The following PGM5 variants were observed in gnomAD, a reference collection of about 807,000 sequenced individuals.
PGM5 encodes the protein phosphoglucomutase-like protein 5.
PGM5 carries 23 observed loss-of-function variants against 59.2 expected under a neutral mutation model. That is an observed-to-expected ratio of 0.39 (90% CI 0.28 to 0.55). PGM5 has a LOEUF of 0.55. PGM5 is among the 20% of genes least tolerant of loss of function. PGM5 has a pLI of 0.66. For missense variants in PGM5, 574 were observed against 748.3 expected, an observed-to-expected ratio of 0.77 and a Z score of 2.72; for synonymous variants, 214 against 286.0, an observed-to-expected ratio of 0.75 and a Z score of 2.54.
chr9:68,433,045 C>T (rs574869527), intron 6 of PGM5, among the ~76,000 whole-genome samples: 7 of 152,066 alleles, frequency 4.6e-5, no homozygotes, highest in South Asian at 4.2e-4. Flanking sequence ...CAGTGAATAC[C>T]CTGCTATGTA....
chr9:68,384,634 T>C (rs1822168806), intron 3 of PGM5, 90 bp downstream of exon 3: 1 of 803,082 alleles, frequency 1.2e-6, no homozygotes, highest in East Asian at 2.5e-5. Context: ...TGAAAATTAT[T>C]GCATTGTTAA....
At chr9:68,414,892 G>A (rs1822997164) in intron 6 of PGM5, among the ~76,000 whole-genome samples, 1 of 145,550 alleles carries the variant, frequency 6.9e-6, no homozygotes, top group Non-Finnish European at 1.5e-5. Flanking sequence ...ACGGCCATCA[G>A]TAGAAGGGTG....
intron 9 of PGM5, among the ~76,000 whole-genome samples, chr9:68,490,319 C>CA (rs1340336204): frequency 2.0e-5 from 3 of 152,110 alleles, no homozygotes; most frequent in Non-Finnish European, 4.4e-5. Flanking sequence ...ATTTCAGCTT[C>CA]AACTTTTTGT....
At chr9:68,406,764 G>A (rs1302056817) in intron 6 of PGM5, among the ~76,000 whole-genome samples, 7 of 135,668 alleles carry the variant, frequency 5.2e-5, no homozygotes, top group South Asian at 2.4e-4. Context: ...CACAGTATGC[G>A]TTCAATGAAG....
intron 6 of PGM5, among the ~76,000 whole-genome samples, chr9:68,425,194 ATCAAAAGT>A (rs782233655): frequency 4.6e-5 from 7 of 152,226 alleles, no homozygotes; most frequent in Non-Finnish European, 8.8e-5. Flanking sequence ...AGCCAGAGTT[ATCAAAAGT>A]TCTACAGGAG....
At chr9:68,455,029 A>C (rs1823751644) in intron 6 of PGM5, among the ~76,000 whole-genome samples, 1 of 152,236 alleles carries the variant, frequency 6.6e-6, no homozygotes, top group African/African-American at 2.4e-5. Context: ...AGTCTTGAAG[A>C]TGGTTCCTTT....
At chr9:68,390,486 A>G (rs2260648) in intron 4 of PGM5, among the ~76,000 whole-genome samples, 162 of 152,228 alleles carry the variant, frequency 1.1e-3, no homozygotes, top group African/African-American at 3.8e-3. Context: ...GATGGGGAAG[A>G]GAGTTTTTCT....
At chr9:68,421,649 G>A (rs1823131628) in intron 6 of PGM5, among the ~76,000 whole-genome samples, 1 of 152,088 alleles carries the variant, frequency 6.6e-6, no homozygotes, top group African/African-American at 2.4e-5. Flanking sequence ...CCCGGGAGGC[G>A]GAGGTTGCAG....
chr9:68,483,764 G>T, intron 8 of PGM5, 101 bp from the exon 9 acceptor site: 1 of 1,051,382 alleles, frequency 9.5e-7, no homozygotes. Flanking sequence ...TTTCTGTGCT[G>T]TCCTTCCCTG....
intron 6 of PGM5, among the ~76,000 whole-genome samples, chr9:68,431,721 G>A (rs1185133024): frequency 1.3e-5 from 2 of 152,188 alleles, no homozygotes; most frequent in Non-Finnish European, 2.9e-5. Context: ...ATCTTATAAG[G>A]ATGGGGGATT....
At chr9:68,434,807 T>A (rs1823420374) in intron 6 of PGM5, among the ~76,000 whole-genome samples, 1 of 151,892 alleles carries the variant, frequency 6.6e-6, no homozygotes, top group Non-Finnish European at 1.5e-5. Flanking sequence ...AAAATGGTGA[T>A]CTCTCTGTGA....
chr9:68,485,121 T>C (rs1312105979), intron 9 of PGM5, among the ~76,000 whole-genome samples: 4 of 152,214 alleles, frequency 2.6e-5, no homozygotes, highest in African/African-American at 7.2e-5. Flanking sequence ...TTTGTTTTGC[T>C]GTTAATGCAG....
At chr9:68,515,292 C>T (rs1204143657) in intron 10 of PGM5, among the ~76,000 whole-genome samples, 1 of 152,182 alleles carries the variant, frequency 6.6e-6, no homozygotes, top group Non-Finnish European at 1.5e-5. Flanking sequence ...AAGAGTCTCT[C>T]CTCGTTTACA....
intron 7 of PGM5, among the ~76,000 whole-genome samples, chr9:68,474,147 T>C (rs1429129126): frequency 5.9e-5 from 9 of 152,206 alleles, no homozygotes; most frequent in Non-Finnish European, 7.3e-5. Flanking sequence ...TTTATTTTAT[T>C]GGCTCAGGGT....
At chr9:68,460,950 C>T (rs541839496) in intron 6 of PGM5, among the ~76,000 whole-genome samples, 3 of 152,262 alleles carry the variant, frequency 2.0e-5, no homozygotes, top group South Asian at 2.1e-4. Flanking sequence ...ACCCATACCA[C>T]GGAAGCTCCG....
At chr9:68,408,378 A>G (rs1282097264) in intron 6 of PGM5, among the ~76,000 whole-genome samples, 2 of 152,188 alleles carry the variant, frequency 1.3e-5, no homozygotes, top group African/African-American at 2.4e-5. Context: ...TCTTCTTTTG[A>G]GAAGTGTCTG....
At chr9:68,444,687 G>C (rs1369529203) in intron 6 of PGM5, among the ~76,000 whole-genome samples, 1 of 152,172 alleles carries the variant, frequency 6.6e-6, no homozygotes, top group African/African-American at 2.4e-5. Flanking sequence ...CTGGGGAGGG[G>C]AAAAGTTCTA....
chr9:68,421,655 T>G (rs1554682346), intron 6 of PGM5, among the ~76,000 whole-genome samples: 1 of 152,060 alleles, frequency 6.6e-6, no homozygotes, highest in African/African-American at 2.4e-5. Context: ...AGGCGGAGGT[T>G]GCAGTGAGCG....
At chr9:68,529,164 C>CGT (rs3223716) in intron 10 of PGM5, among the ~76,000 whole-genome samples, 19,256 of 131,746 alleles carry the variant, frequency 0.15, 1,454 homozygotes, top group Middle Eastern at 0.17. Flanking sequence ...CTTTTATTCT[C>CGT]GTGTGTGTGT....
Sources: allele counts gnomAD v4.1 joint callset (sites outside exome capture counted in the v4.1 genomes callset), GRCh38; gene constraint gnomAD v4.1.1; transcripts MANE v1.5; gene names NCBI Gene and HGNC (gene_info 2026-07-23, HGNC 2026-07-21).